Variants in CLSTN2 observed in about 807,000 individuals in gnomAD.
CLSTN2 encodes calsyntenin-2.
In CLSTN2, 48 loss-of-function variants were observed where a neutral mutation model predicts 101.2. That is an observed-to-expected ratio of 0.47 (90% CI 0.38 to 0.60). CLSTN2 has a LOEUF of 0.60. Ranked by LOEUF, CLSTN2 falls within the 20% of genes least tolerant of loss-of-function variation. The pLI is 0.00. For synonymous variants in CLSTN2, 481 were observed against 463.6 expected, an observed-to-expected ratio of 1.04 and a Z score of -0.48; for missense variants, 1,160 against 1,238.2, an observed-to-expected ratio of 0.94 and a Z score of 0.95.
intron 2 of CLSTN2, among the ~76,000 whole-genome samples, chr3:140,339,664 G>A (rs1049269265): frequency 6.6e-6 from 1 of 152,304 alleles, no homozygotes; most frequent in Middle Eastern, 3.4e-3. Context: ...TAGATGTTGT[G>A]TCCTTAGCGA....
At chr3:140,110,850 C>T (rs768981652) in intron 1 of CLSTN2, among the ~76,000 whole-genome samples, 19 of 152,158 alleles carry the variant, frequency 1.2e-4, no homozygotes, top group Non-Finnish European at 2.5e-4. Context: ...TCTTTCTTTC[C>T]TCATAGCCCC....
At chr3:140,310,968 G>A (rs998570340) in intron 2 of CLSTN2, among the ~76,000 whole-genome samples, 61 of 152,332 alleles carry the variant, frequency 4.0e-4, no homozygotes, top group Admixed American at 4.6e-4. Context: ...CCATTCCAGA[G>A]CATCCCAGGC....
At chr3:140,151,431 A>T (rs972246562) in intron 1 of CLSTN2, among the ~76,000 whole-genome samples, 4 of 152,016 alleles carry the variant, frequency 2.6e-5, no homozygotes, top group Non-Finnish European at 5.9e-5. Context: ...AGATTAGGCA[A>T]TAAGTGGGAA....
At chr3:140,125,523 T>C (rs1224696417) in intron 1 of CLSTN2, among the ~76,000 whole-genome samples, 1 of 152,048 alleles carries the variant, frequency 6.6e-6, no homozygotes, top group East Asian at 1.9e-4. Flanking sequence ...TTTCCTCTCT[T>C]TTTTAAAAGG....
At chr3:140,564,245 T>G in intron 16 of CLSTN2, 100 bp downstream of exon 16, 2 of 1,054,526 alleles carry the variant, frequency 1.9e-6, no homozygotes, top group Non-Finnish European at 2.8e-6. Context: ...CCCCTCCTTC[T>G]GGAAGCCCTG....
intron 4 of CLSTN2, among the ~76,000 whole-genome samples, chr3:140,412,002 C>T (rs558787518): frequency 2.2e-4 from 34 of 152,178 alleles, no homozygotes; most frequent in South Asian, 1.2e-3. Context: ...AGATTTTCCA[C>T]GGGGAGATTT....
At chr3:140,331,875 C>G (rs1212759445) in intron 2 of CLSTN2, among the ~76,000 whole-genome samples, 2 of 152,332 alleles carry the variant, frequency 1.3e-5, no homozygotes, top group South Asian at 2.1e-4. Flanking sequence ...AGCTTCCAAG[C>G]TCACTATGTC....
intron 2 of CLSTN2, among the ~76,000 whole-genome samples, chr3:140,347,054 A>G (rs1439187794): frequency 1.4e-4 from 22 of 152,302 alleles, no homozygotes; most frequent in Admixed American, 1.4e-3. Context: ...TCAAGGCTGA[A>G]CTAAAGTTTT....
intron 1 of CLSTN2, among the ~76,000 whole-genome samples, chr3:140,062,321 C>G: frequency 6.6e-6 from 1 of 152,132 alleles, no homozygotes; most frequent in East Asian, 1.9e-4. Context: ...TTGAGGGGTC[C>G]CTATTCTACA....
intron 2 of CLSTN2, among the ~76,000 whole-genome samples, chr3:140,402,317 T>C (rs778912240): frequency 6.6e-6 from 1 of 152,200 alleles, no homozygotes; most frequent in East Asian, 1.9e-4. Flanking sequence ...AGAAAGTACA[T>C]GGACTTAGGA....
intron 8 of CLSTN2, among the ~76,000 whole-genome samples, chr3:140,526,872 G>C (rs779284001): frequency 2.0e-5 from 3 of 151,966 alleles, no homozygotes; most frequent in Admixed American, 6.6e-5. Context: ...TTGGGATAAC[G>C]GGCTAGCCAT....
At chr3:140,105,820 C>T (rs2107792279) in intron 1 of CLSTN2, among the ~76,000 whole-genome samples, 1 of 152,304 alleles carries the variant, frequency 6.6e-6, no homozygotes, top group African/African-American at 2.4e-5. Flanking sequence ...TGTGCTAGCT[C>T]AGAGAGGGCT....
intron 2 of CLSTN2, among the ~76,000 whole-genome samples, chr3:140,304,046 A>G (rs576261445): frequency 6.6e-6 from 1 of 152,144 alleles, no homozygotes; most frequent in African/African-American, 2.4e-5. Context: ...TATGGATTAA[A>G]TGAGACAATA....
intron 8 of CLSTN2, among the ~76,000 whole-genome samples, chr3:140,512,464 C>T (rs973167632): frequency 2.0e-5 from 3 of 152,088 alleles, no homozygotes; most frequent in Admixed American, 6.6e-5. Flanking sequence ...CTATTCTGTT[C>T]CATTGGTCTA....
chr3:140,043,725 T>C (rs930028234), intron 1 of CLSTN2, among the ~76,000 whole-genome samples: 4 of 152,194 alleles, frequency 2.6e-5, no homozygotes, highest in African/African-American at 7.2e-5. Flanking sequence ...AGGGATCCAG[T>C]TTCAGCTTTC....
chr3:140,290,107 A>T (rs775013172), intron 2 of CLSTN2, among the ~76,000 whole-genome samples: 1 of 151,994 alleles, frequency 6.6e-6, no homozygotes, highest in Non-Finnish European at 1.5e-5. Context: ...AATAGGCATC[A>T]GAAAAGATTG....
At chr3:140,438,277 A>C (rs867457495) in intron 5 of CLSTN2, among the ~76,000 whole-genome samples, 2 of 130,826 alleles carry the variant, frequency 1.5e-5, no homozygotes, top group Non-Finnish European at 3.3e-5. Flanking sequence ...ACCCTCACAC[A>C]TGGGGAATAG....
chr3:140,389,570 T>G (rs1245169458), intron 2 of CLSTN2, among the ~76,000 whole-genome samples: 1 of 152,250 alleles, frequency 6.6e-6, no homozygotes. Context: ...TCTTTGTTAT[T>G]GTGAATAGTG....
At chr3:140,535,163 A>G (rs1454412641) in intron 9 of CLSTN2, among the ~76,000 whole-genome samples, 1 of 152,210 alleles carries the variant, frequency 6.6e-6, no homozygotes, top group African/African-American at 2.4e-5. Context: ...CATACCATAC[A>G]ACAGTAGAAT....
Sources: allele counts gnomAD v4.1 joint callset (sites outside exome capture counted in the v4.1 genomes callset), GRCh38; gene constraint gnomAD v4.1.1; transcripts MANE v1.5; gene names NCBI Gene and HGNC (gene_info 2026-07-23, HGNC 2026-07-21).